The following GRXCR1 variants were observed in gnomAD, a reference collection of about 807,000 sequenced individuals.
The protein encoded by GRXCR1 is glutaredoxin domain-containing cysteine-rich protein 1.
A neutral mutation model predicts 27.3 loss-of-function variants in GRXCR1; 27 were observed. The observed-to-expected ratio is 0.99, with a 90% CI of 0.73 to 1.37. GRXCR1 has a LOEUF of 1.37. GRXCR1 is among the 40% of genes most tolerant of loss of function. GRXCR1 has a pLI of 0.00. For missense variants in GRXCR1, 379 were observed against 354.4 expected, an observed-to-expected ratio of 1.07 and a Z score of -0.56; for synonymous variants, 122 against 131.1, an observed-to-expected ratio of 0.93 and a Z score of 0.47.
At chr4:43,016,616 G>A (rs1406510830) in intron 2 of GRXCR1, among the ~76,000 whole-genome samples, 1 of 137,592 alleles carries the variant, frequency 7.3e-6, no homozygotes, top group African/African-American at 2.8e-5. Flanking sequence ...CCTCAGTAAC[G>A]GGAAGCAGTT....
intron 1 of GRXCR1, among the ~76,000 whole-genome samples, chr4:42,940,706 A>G (rs1747598500): frequency 6.6e-6 from 1 of 152,022 alleles, no homozygotes; most frequent in South Asian, 2.1e-4. Context: ...GGCATTGATA[A>G]AATCTTTTGT....
intron 1 of GRXCR1, among the ~76,000 whole-genome samples, chr4:42,903,078 A>G (rs1365509932): frequency 1.3e-5 from 2 of 152,062 alleles, no homozygotes; most frequent in Non-Finnish European, 2.9e-5. Context: ...TTCATGTGAA[A>G]CCCAGAGGCT....
intron 2 of GRXCR1, among the ~76,000 whole-genome samples, chr4:42,969,684 A>G (rs1049190509): frequency 7.2e-5 from 11 of 152,096 alleles, no homozygotes; most frequent in African/African-American, 2.7e-4. Context: ...ACCTCCCATC[A>G]GGTCCCTCCC....
intron 1 of GRXCR1, among the ~76,000 whole-genome samples, chr4:42,895,634 GC>G (rs367683574): frequency 1.1e-4 from 17 of 152,056 alleles, no homozygotes; most frequent in African/African-American, 3.6e-4. Flanking sequence ...CCCATTGTCT[GC>G]ATGAATGGTA....
intron 2 of GRXCR1, among the ~76,000 whole-genome samples, chr4:42,992,306 G>A (rs568291495): frequency 5.3e-5 from 8 of 152,188 alleles, no homozygotes; most frequent in African/African-American, 7.2e-5. Flanking sequence ...TTGACAATTC[G>A]TAGGAGAAAT....
chr4:42,943,440 C>T (rs936420178), intron 1 of GRXCR1, among the ~76,000 whole-genome samples: 6 of 151,978 alleles, frequency 3.9e-5, no homozygotes, highest in Non-Finnish European at 5.9e-5. Flanking sequence ...TTTTATGGAT[C>T]GCTAGAAGTA....
intron 1 of GRXCR1, among the ~76,000 whole-genome samples, chr4:42,897,989 G>A (rs1170777027): frequency 1.3e-5 from 2 of 150,698 alleles, no homozygotes; most frequent in East Asian, 3.9e-4. Context: ...ATAACTAAGT[G>A]TGAGAGAAAT....
intron 1 of GRXCR1, among the ~76,000 whole-genome samples, chr4:42,959,270 GA>G (rs1748076538): frequency 6.6e-6 from 1 of 151,864 alleles, no homozygotes; most frequent in South Asian, 2.1e-4. Flanking sequence ...TGCTATTTGT[GA>G]TAACATAGAT....
chr4:42,972,867 C>A (rs373032767), intron 2 of GRXCR1, among the ~76,000 whole-genome samples: 1 of 152,112 alleles, frequency 6.6e-6, no homozygotes, highest in African/African-American at 2.4e-5. Flanking sequence ...TCTTTAGCAG[C>A]ATATTTACAT....
intron 1 of GRXCR1, among the ~76,000 whole-genome samples, chr4:42,898,925 A>G (rs1240780441): frequency 6.6e-6 from 1 of 152,108 alleles, no homozygotes; most frequent in Non-Finnish European, 1.5e-5. Flanking sequence ...AAACTACACT[A>G]AGAGATTAAG....
chr4:43,001,160 G>A (rs1391628325), intron 2 of GRXCR1, among the ~76,000 whole-genome samples: 6 of 151,252 alleles, frequency 4.0e-5, no homozygotes, highest in East Asian at 3.9e-4. Context: ...TTTTAAAGAC[G>A]ATAGGATGCC....
intron 2 of GRXCR1, among the ~76,000 whole-genome samples, chr4:42,982,908 T>G (rs1309035688): frequency 1.3e-5 from 2 of 151,418 alleles, no homozygotes; most frequent in African/African-American, 2.4e-5. Flanking sequence ...GGGTTGTTTG[T>G]TTTTTTTTGT....
At chr4:42,988,071 C>T (rs1333939258) in intron 2 of GRXCR1, among the ~76,000 whole-genome samples, 1 of 152,100 alleles carries the variant, frequency 6.6e-6, no homozygotes, top group African/African-American at 2.4e-5. Context: ...TGATCCTGAG[C>T]TTCATTCTTC....
At chr4:42,918,228 A>C (rs1356903451) in intron 1 of GRXCR1, among the ~76,000 whole-genome samples, 2 of 152,020 alleles carry the variant, frequency 1.3e-5, no homozygotes, top group Non-Finnish European at 2.9e-5. Context: ...AGAAGAGCAA[A>C]AGGAGGCAAA....
intron 1 of GRXCR1, among the ~76,000 whole-genome samples, chr4:42,953,309 G>C (rs972465328): frequency 6.6e-6 from 1 of 152,158 alleles, no homozygotes; most frequent in Non-Finnish European, 1.5e-5. Flanking sequence ...TACAGCAAAA[G>C]TGATTCCAAG....
At chr4:42,946,912 C>T (rs968333230) in intron 1 of GRXCR1, among the ~76,000 whole-genome samples, 2 of 152,160 alleles carry the variant, frequency 1.3e-5, no homozygotes, top group Non-Finnish European at 2.9e-5. Flanking sequence ...ATAACATACA[C>T]TTTTTGATCT....
Position 42,893,489 on chromosome 4 carries a change from A to G in GRXCR1, c.223A>G (p.Asn75Asp), listed in dbSNP as rs1746280034. ...HIESEGDENE[N>D]DQDSLLVLAR... is the part of the protein sequence containing the mutation. ...AGAGTCAGAAGGTGATGAGAATGAGAATGACCAGGATAGCTTGCTGGTGTT... is the reference window on the plus strand; with the variant it reads ...AGAGTCAGAAGGTGATGAGAATGAGGATGACCAGGATAGCTTGCTGGTGTT... The change falls in exon 1 of 4, where the codon AAT (asparagine) becomes GAT (aspartate). Residue 75 changes from asparagine to aspartate, a missense_variant. By Grantham distance (23) the Asn-to-Asp change is conservative (BLOSUM62 1). Coordinates refer to ENST00000399770, the MANE Select transcript of GRXCR1 (RefSeq NM_001080476.3). 1 of 1,613,844 alleles carries G rather than the reference A, an allele frequency of 6.2e-7. No homozygotes were observed. Among genetic ancestry groups the G allele is most frequent in the Non-Finnish European group, 8.5e-7 (1 of 1,179,814 alleles).
At chr4:42,933,319 C>A (rs974200570) in intron 1 of GRXCR1, among the ~76,000 whole-genome samples, 1 of 151,822 alleles carries the variant, frequency 6.6e-6, no homozygotes, top group African/African-American at 2.4e-5. Flanking sequence ...TGCTTGAACC[C>A]GCTAGCTGGA....
intron 2 of GRXCR1, among the ~76,000 whole-genome samples, chr4:43,003,390 A>G (rs145750307): frequency 1.2e-3 from 178 of 152,300 alleles, no homozygotes; most frequent in African/African-American, 4.1e-3. Flanking sequence ...CTATAAAGAT[A>G]CCTGAAAACA....
Sources: gnomAD v4.1 joint callset for allele counts (sites outside exome capture counted in the v4.1 genomes callset) on GRCh38, gnomAD v4.1.1 for gene constraint, MANE v1.5 for transcripts, NCBI Gene and HGNC (gene_info 2026-07-23, HGNC 2026-07-21) for gene names.